Variants in MTUS2 observed in about 807,000 individuals in gnomAD.
MTUS2 encodes the protein microtubule-associated tumor suppressor candidate 2.
MTUS2 carries 40 observed loss-of-function variants against 114.1 expected under a neutral mutation model. That is an observed-to-expected ratio of 0.35 (90% CI 0.27 to 0.46). The LOEUF (loss-of-function observed/expected upper bound fraction) is 0.46, where lower values mean the gene tolerates loss of function less well. Ranked by LOEUF, MTUS2 falls within the 20% of genes least tolerant of loss-of-function variation. MTUS2 has a pLI of 1.00. For missense variants in MTUS2, 1,679 were observed against 1,705.4 expected, an observed-to-expected ratio of 0.98 and a Z score of 0.27; for synonymous variants, 688 against 672.0, an observed-to-expected ratio of 1.02 and a Z score of -0.37.
intron 5 of MTUS2, among the ~76,000 whole-genome samples, chr13:29,122,309 AT>A (rs1270685910): frequency 1.3e-5 from 2 of 152,164 alleles, no homozygotes; most frequent in Non-Finnish European, 2.9e-5. Flanking sequence ...AGACTGGGTC[AT>A]TTATAAAGGA....
At chr13:29,100,999 C>G (rs750061840) in intron 5 of MTUS2, 29 bp downstream of exon 5, 16 of 1,508,234 alleles carry the variant, frequency 1.1e-5, no homozygotes, top group Non-Finnish European at 1.3e-5. Flanking sequence ...GGTGGGGTGC[C>G]TTCACTGAAT....
At chr13:28,973,373 A>G (rs1017673770) in intron 2 of MTUS2, among the ~76,000 whole-genome samples, 2 of 152,104 alleles carry the variant, frequency 1.3e-5, no homozygotes, top group African/African-American at 4.8e-5. Flanking sequence ...ACTTTTTTCC[A>G]TTAGATGTTT....
intron 7 of MTUS2, among the ~76,000 whole-genome samples, chr13:29,340,356 G>A (rs1423586276): frequency 1.3e-5 from 2 of 152,236 alleles, no homozygotes; most frequent in Non-Finnish European, 2.9e-5. Context: ...GTTGACAGAA[G>A]GGTGCTGTTT....
chr13:29,372,948 G>T (rs926841155), intron 8 of MTUS2, among the ~76,000 whole-genome samples: 27 of 152,158 alleles, frequency 1.8e-4, no homozygotes, highest in Admixed American at 3.9e-4. Context: ...GAACTTAAAA[G>T]GATATGCAGT....
intron 5 of MTUS2, among the ~76,000 whole-genome samples, chr13:29,265,359 C>T (rs750735315): frequency 1.4e-4 from 22 of 152,200 alleles, no homozygotes; most frequent in African/African-American, 3.6e-4. Context: ...GCTATTTCAA[C>T]GGTCTCTAAG....
intron 8 of MTUS2, among the ~76,000 whole-genome samples, chr13:29,362,513 C>T (rs1341747652): frequency 2.2e-5 from 2 of 89,776 alleles, no homozygotes; most frequent in Non-Finnish European, 5.3e-5. Flanking sequence ...CCCATCTCTA[C>T]CAAAAATAAA....
intron 5 of MTUS2, among the ~76,000 whole-genome samples, chr13:29,277,304 C>T (rs1898101792): frequency 6.6e-6 from 1 of 152,186 alleles, no homozygotes; most frequent in Admixed American, 6.5e-5. Flanking sequence ...TACATCTGTG[C>T]TTCCTTTTCT....
At chr13:29,064,400 T>G (rs1415747616) in intron 4 of MTUS2, among the ~76,000 whole-genome samples, 6 of 149,384 alleles carry the variant, frequency 4.0e-5, no homozygotes, top group Non-Finnish European at 8.9e-5. Flanking sequence ...GTTTTTTTTT[T>G]TTTTTTTTTT....
chr13:28,930,548 A>G (rs1022391899), intron 2 of MTUS2, among the ~76,000 whole-genome samples: 3 of 152,182 alleles, frequency 2.0e-5, no homozygotes, highest in Non-Finnish European at 2.9e-5. Flanking sequence ...GGTAGAGGAA[A>G]AGTGTGTAGA....
At chr13:29,327,415 C>T (rs1900570923) in intron 7 of MTUS2, among the ~76,000 whole-genome samples, 1 of 152,140 alleles carries the variant, frequency 6.6e-6, no homozygotes, top group African/African-American at 2.4e-5. Flanking sequence ...CACCCCCACC[C>T]CAAACCCCAG....
At chr13:29,028,620 G>A (rs1460514407) in intron 3 of MTUS2, among the ~76,000 whole-genome samples, 1 of 151,698 alleles carries the variant, frequency 6.6e-6, no homozygotes, top group Non-Finnish European at 1.5e-5. Context: ...GTGTTCCAAT[G>A]TTATCTCCTT....
chr13:29,335,270 C>G (rs1408772144), intron 7 of MTUS2, among the ~76,000 whole-genome samples: 2 of 152,150 alleles, frequency 1.3e-5, no homozygotes, highest in African/African-American at 4.8e-5. Flanking sequence ...AAGCCCCGGT[C>G]TCCCATAGTG....
In MTUS2 at chr13:29,297,915, A is replaced by G. The variant is rs79687242; in HGVS notation, c.2806+16050A>G. 6.4e-3 allele frequency among the ~76,000 whole-genome samples: 982 copies of G among 152,316 alleles called. 17 individuals are homozygous for G. The highest frequency in any genetic ancestry group is 0.022 in the African/African-American group (923 of 41,568). On this transcript the variant is annotated intron_variant, in intron 6 of 15. Transcript: ENST00000612955. ...CAAAACATGCTATTCAGTGCTGTGT[A>G]AAAGAAAGGCTCTCAAGTATTCCTG...
intron 2 of MTUS2, among the ~76,000 whole-genome samples, chr13:28,946,207 T>A (rs1368735930): frequency 6.6e-6 from 1 of 152,190 alleles, no homozygotes; most frequent in Non-Finnish European, 1.5e-5. Context: ...GCCCTTTAAA[T>A]TCACCAGTCT....
In MTUS2 at chr13:29,254,089, A is replaced by G. The variant is rs768841093; in HGVS notation, c.2645-27615A>G. Among the ~76,000 whole-genome samples, 34 of 152,160 alleles carry G rather than the reference A, an allele frequency of 2.2e-4. 1 individual carries two copies. The highest frequency in any genetic ancestry group is 1.2e-3 in the Admixed American group (19 of 15,272). The stretch of plus-strand genomic sequence containing the variant: ...ATGACATAGTGTGTTAGAAGGTGAG[A>G]TAGGTTCTGGAAAAGAAGTGACACA... On this transcript the variant is annotated intron_variant, in intron 5 of 15. Coordinates refer to ENST00000612955, the MANE Select transcript of MTUS2 (RefSeq NM_001033602.4).
chr13:29,287,010 A>T (rs1411988801), intron 6 of MTUS2, among the ~76,000 whole-genome samples: 1 of 152,074 alleles, frequency 6.6e-6, no homozygotes, highest in Non-Finnish European at 1.5e-5. Context: ...ATTTTCTTCC[A>T]CTTTGTATTA....
intron 6 of MTUS2, 138 bp from the exon 7 acceptor site, chr13:29,324,475 C>T: frequency 1.6e-6 from 1 of 632,542 alleles, no homozygotes; most frequent in Non-Finnish European, 2.8e-6. Context: ...GGGTGGTGAC[C>T]ATAGCAACAA....
chr13:29,324,578 C>T (rs763468536), intron 6 of MTUS2, 35 bp from the exon 7 acceptor site: 1 of 1,490,858 alleles, frequency 6.7e-7, no homozygotes, highest in Non-Finnish European at 9.2e-7. Context: ...AAGTAGCTTA[C>T]TTTCTACCTA....
At chr13:29,159,806 C>T (rs950089399) in intron 5 of MTUS2, among the ~76,000 whole-genome samples, 4 of 152,164 alleles carry the variant, frequency 2.6e-5, no homozygotes, top group Non-Finnish European at 5.9e-5. Context: ...CTGTATATAC[C>T]TATCAGAATG....
Sources: gnomAD v4.1 joint callset for allele counts (sites outside exome capture counted in the v4.1 genomes callset) on GRCh38, gnomAD v4.1.1 for gene constraint, MANE v1.5 for transcripts, NCBI Gene and HGNC (gene_info 2026-07-23, HGNC 2026-07-21) for gene names.